TECPR2: variants seen among roughly 807,000 people sequenced by gnomAD.
TECPR2 encodes tectonin beta-propeller repeat containing 2.
TECPR2 carries 65 observed loss-of-function variants against 138.1 expected under a neutral mutation model. The ratio of observed to expected loss-of-function variants is 0.47; its 90% CI spans 0.39 to 0.58. The LOEUF is 0.58. TECPR2 is among the 20% of genes least tolerant of loss of function. The pLI is 0.00. For missense variants in TECPR2, 1,553 were observed against 1,824.5 expected, an observed-to-expected ratio of 0.85 and a Z score of 2.71; for synonymous variants, 746 against 749.8, an observed-to-expected ratio of 0.99 and a Z score of 0.08.
intron 17 of TECPR2, among the ~76,000 whole-genome samples, chr14:102,473,246 G>T (rs1044653992): frequency 6.6e-6 from 1 of 152,212 alleles, no homozygotes; most frequent in African/African-American, 2.4e-5. Flanking sequence ...ACATGTCATA[G>T]GCTTAGTGGC....
intron 6 of TECPR2, among the ~76,000 whole-genome samples, chr14:102,426,148 A>G (rs1889315129): frequency 6.6e-6 from 1 of 151,372 alleles, no homozygotes; most frequent in Non-Finnish European, 1.5e-5. Flanking sequence ...GGCCTCCCAA[A>G]GTGCTGGGGT....
In TECPR2 at chr14:102,438,070, A is replaced by G; in HGVS notation, c.2443A>G (p.Ser815Gly). ...CTCGGGTCCCGGCTATGGCATCCTCAGCTTGGTGGTCTCCGAGAAGTATAT... is the reference window on the plus strand; with the variant it reads ...CTCGGGTCCCGGCTATGGCATCCTCGGCTTGGTGGTCTCCGAGAAGTATAT... The part of the protein sequence containing the change: ...GYSGPGYGIL[S>G]LVVSEKYIWC... The change falls in exon 10 of 20, where the codon AGC becomes GGC. Residue 815 changes from serine (S) to glycine (G), a missense_variant. Coordinates refer to ENST00000359520, the MANE Select transcript of TECPR2 (RefSeq NM_014844.5). 2 of 1,614,058 alleles carry G rather than the reference A, an allele frequency of 1.2e-6. No homozygotes were observed. The highest frequency in any genetic ancestry group is 2.7e-5 in the African/African-American group (2 of 75,002).
At chr14:102,400,410 A>G (rs62008764) in intron 2 of TECPR2, among the ~76,000 whole-genome samples, 46,195 of 152,072 alleles carry the variant, frequency 0.3, 7,279 homozygotes, top group Middle Eastern at 0.38. Flanking sequence ...AGCATTTAAA[A>G]TAATTATTTA....
chr14:102,364,052 A>G (rs1039492849), intron 1 of TECPR2, among the ~76,000 whole-genome samples: 1 of 151,954 alleles, frequency 6.6e-6, no homozygotes. Flanking sequence ...CTTATGTTCC[A>G]TGTGTTGGCA....
chr14:102,438,239 C>A (rs1889732493), intron 10 of TECPR2, 34 bp downstream of exon 10: 2 of 1,577,272 alleles, frequency 1.3e-6, no homozygotes, highest in South Asian at 2.3e-5. Context: ...CCGCTCCCTG[C>A]TCCCGCTCGC....
In TECPR2 at chr14:102,435,066, C is replaced by T. The variant is rs539749848; in HGVS notation, c.2249C>T (p.Thr750Met). 46 of 1,613,936 alleles carry T rather than the reference C, an allele frequency of 2.9e-5. 2 individuals carry two copies. The South Asian group carries it at 3.2e-4, about 11-fold the overall frequency. ...LEQPPRDQTL[T>M]SSDEEDIYAH... is the part of the protein sequence containing the mutation. The stretch of plus-strand genomic sequence containing the variant: ...CAGCCTCCACGGGATCAGACATTGA[C>T]GTCCAGCGATGAGGAGGACATCTAT... Residue 750 changes from threonine (T) to methionine (M), a missense_variant, in exon 9 of 20, where the codon ACG becomes ATG. Coordinates refer to ENST00000359520, the MANE Select transcript of TECPR2 (RefSeq NM_014844.5).
chr14:102,471,768 A>G (rs1370821682), intron 17 of TECPR2, among the ~76,000 whole-genome samples: 3 of 152,134 alleles, frequency 2.0e-5, no homozygotes, highest in Non-Finnish European at 2.9e-5. Flanking sequence ...TAGTCTAGCT[A>G]AAGGTTTGTC....
At chr14:102,370,186 C>T (rs1887464644) in intron 1 of TECPR2, among the ~76,000 whole-genome samples, 1 of 151,994 alleles carries the variant, frequency 6.6e-6, no homozygotes, top group Admixed American at 6.5e-5. Flanking sequence ...ATTCTCCTGC[C>T]TCAGCCTCCT....
chr14:102,422,623 T>C (rs553237100), intron 5 of TECPR2, among the ~76,000 whole-genome samples: 1 of 152,332 alleles, frequency 6.6e-6, no homozygotes, highest in African/African-American at 2.4e-5. Context: ...CTAAATTATA[T>C]TGTCTTTAGA....
chr14:102,477,645 G>A (rs1296872184), intron 17 of TECPR2, among the ~76,000 whole-genome samples: 1 of 146,792 alleles, frequency 6.8e-6, no homozygotes, highest in Admixed American at 6.9e-5. Flanking sequence ...CCGCCTCCTG[G>A]GTTCATACCA....
Position 102,440,479 on chromosome 14 carries a change from T to C in TECPR2, c.2622T>C (p.Phe874=). 6.2e-7 allele frequency: 1 copy of C among 1,614,242 alleles called. No individual in the cohort carries two copies. The highest frequency in any genetic ancestry group is 8.5e-7 in the Non-Finnish European group (1 of 1,180,046). Residue 874 remains phenylalanine, a synonymous_variant, in exon 11 of 20, where the codon TTT becomes TTC. Transcript: ENST00000359520. ...WKIEQKSNRA[F]ACGKVTIKGK... ...TTGAACAGAAATCTAACCGGGCTTT[T>C]GCTTGTGGGAAAGTCACCATCAAGG...
chr14:102,371,619 T>C (rs977980598), intron 1 of TECPR2, among the ~76,000 whole-genome samples: 3 of 152,226 alleles, frequency 2.0e-5, no homozygotes, highest in Non-Finnish European at 4.4e-5. Context: ...GAAAAACGTG[T>C]GAGGCATAAA....
chr14:102,440,748 GA>G, intron 11 of TECPR2, 139 bp downstream of exon 11: 1 of 1,159,800 alleles, frequency 8.6e-7, no homozygotes. Flanking sequence ...CTTCTGGGAA[GA>G]GAGTATTTGC....
At chr14:102,369,571 C>T (rs1035230499) in intron 1 of TECPR2, among the ~76,000 whole-genome samples, 4 of 151,832 alleles carry the variant, frequency 2.6e-5, no homozygotes, top group African/African-American at 4.8e-5. Flanking sequence ...ACTACAGGCA[C>T]GCACCACCAC....
intron 17 of TECPR2, among the ~76,000 whole-genome samples, chr14:102,492,899 C>T (rs1032775432): frequency 4.6e-5 from 7 of 152,326 alleles, no homozygotes; most frequent in African/African-American, 1.4e-4. Context: ...AGGCAGAGCC[C>T]GGAAGCGAGA....
chr14:102,388,216 G>A (rs1324498611), intron 2 of TECPR2, among the ~76,000 whole-genome samples: 6 of 152,250 alleles, frequency 3.9e-5, no homozygotes, highest in African/African-American at 1.2e-4. Flanking sequence ...TTACCATACA[G>A]GGCTTCACGG....
At chr14:102,365,978 TGTC>T (rs1270708434) in intron 1 of TECPR2, among the ~76,000 whole-genome samples, 3 of 152,236 alleles carry the variant, frequency 2.0e-5, no homozygotes, top group African/African-American at 4.8e-5. Context: ...AATTAATAGA[TGTC>T]GTAGCCAGAT....
At chr14:102,363,180 C>T (rs1228769089) in intron 1 of TECPR2, 64 bp downstream of exon 1, 2 of 312,162 alleles carry the variant, frequency 6.4e-6, no homozygotes, top group South Asian at 2.3e-4. Flanking sequence ...TGGCCCCGAG[C>T]CCCTCCTCGG....
intron 17 of TECPR2, among the ~76,000 whole-genome samples, chr14:102,483,142 C>T (rs1291379367): frequency 6.6e-6 from 1 of 152,102 alleles, no homozygotes; most frequent in Non-Finnish European, 1.5e-5. Context: ...TGAGCCACCT[C>T]GCCCGGCCCA....
Sources: allele counts gnomAD v4.1 joint callset (sites outside exome capture counted in the v4.1 genomes callset), GRCh38; gene constraint gnomAD v4.1.1; transcripts MANE v1.5; gene names NCBI Gene and HGNC (gene_info 2026-07-23, HGNC 2026-07-21).